Variants in SHISA9 observed in about 807,000 individuals in gnomAD.
SHISA9 encodes the protein shisa family member 9.
Under a neutral mutation model 38.0 loss-of-function variants are expected in SHISA9, and 13 were observed. The observed-to-expected ratio is 0.34, with a 90% CI of 0.22 to 0.54. SHISA9 has a LOEUF of 0.54. Ranked by LOEUF, SHISA9 falls within the 20% of genes least tolerant of loss-of-function variation. The probability of loss-of-function intolerance (pLI) is 0.91; values close to 1 mark genes in which losing one functional copy is unlikely to be tolerated. For missense variants in SHISA9, 538 were observed against 575.8 expected (o/e 0.93, Z 0.67); for synonymous variants, 275 against 242.0 (o/e 1.14, Z -1.27).
chr16:13,001,460 T>C (rs534997475), intron 2 of SHISA9, among the ~76,000 whole-genome samples: 1 of 152,288 alleles, frequency 6.6e-6, no homozygotes, highest in South Asian at 2.1e-4. Flanking sequence ...AGACCTTTGG[T>C]TCTGGATGTT....
chr16:13,298,996 A>C, the SHISA9 span, among the ~76,000 whole-genome samples: 4 of 152,160 alleles, frequency 2.6e-5, no homozygotes, highest in Non-Finnish European at 4.4e-5. Flanking sequence ...TTAAACAAGC[A>C]GTCTCCTTGG....
chr16:13,517,447 A>G, the SHISA9 span, among the ~76,000 whole-genome samples: 7 of 152,252 alleles, frequency 4.6e-5, no homozygotes, highest in Non-Finnish European at 7.3e-5. Context: ...GGTTTCAAAG[A>G]AAGTGCACCA....
intron 2 of SHISA9, among the ~76,000 whole-genome samples, chr16:13,008,560 A>T (rs2072626813): frequency 6.6e-6 from 1 of 150,890 alleles, no homozygotes; most frequent in Non-Finnish European, 1.5e-5. Context: ...GTGTGTTCTC[A>T]CGAGATCTGG....
chr16:13,531,263 C>T, the SHISA9 span, among the ~76,000 whole-genome samples: 2 of 152,164 alleles, frequency 1.3e-5, no homozygotes, highest in East Asian at 3.9e-4. Flanking sequence ...ACCTGGGACC[C>T]CAGTAAGGGC....
intron 2 of SHISA9, among the ~76,000 whole-genome samples, chr16:13,071,935 C>T (rs1031777063): frequency 3.3e-5 from 5 of 152,260 alleles, no homozygotes; most frequent in South Asian, 2.1e-4. Flanking sequence ...TGTGACCCAC[C>T]GTGGCTGGCC....
the SHISA9 span, among the ~76,000 whole-genome samples, chr16:13,479,889 T>A: frequency 6.6e-6 from 1 of 152,236 alleles, no homozygotes; most frequent in South Asian, 2.1e-4. Flanking sequence ...TTCCATTTCC[T>A]ATGTTCTTCT....
At chr16:13,040,587 A>C in intron 2 of SHISA9, among the ~76,000 whole-genome samples, 1 of 152,214 alleles carries the variant, frequency 6.6e-6, no homozygotes, top group East Asian at 1.9e-4. Context: ...TGACTTGCTT[A>C]TTAGAATGTA....
chr16:13,362,099 C>T, the SHISA9 span, among the ~76,000 whole-genome samples: 1 of 151,444 alleles, frequency 6.6e-6, no homozygotes, highest in Non-Finnish European at 1.5e-5. Flanking sequence ...TGCAGTGGCT[C>T]ATGCCTATAA....
chr16:13,306,907 T>C, the SHISA9 span, among the ~76,000 whole-genome samples: 149 of 152,362 alleles, frequency 9.8e-4, no homozygotes, highest in Non-Finnish European at 1.8e-3. Flanking sequence ...TGTATATGTA[T>C]GTGTGCTTAG....
At chr16:13,460,031 C>A in the SHISA9 span, among the ~76,000 whole-genome samples, 25 of 152,160 alleles carry the variant, frequency 1.6e-4, no homozygotes, top group African/African-American at 5.8e-4. Context: ...CCTGAGCCTC[C>A]CAAAGTGCTG....
At chr16:13,437,171 T>C in the SHISA9 span, among the ~76,000 whole-genome samples, 1 of 152,066 alleles carries the variant, frequency 6.6e-6, no homozygotes, top group Non-Finnish European at 1.5e-5. Flanking sequence ...ATTAGGGATC[T>C]TTGGTTCACA....
chr16:13,113,592 G>A (rs2074001107), intron 2 of SHISA9, among the ~76,000 whole-genome samples: 1 of 152,226 alleles, frequency 6.6e-6, no homozygotes, highest in South Asian at 2.1e-4. Flanking sequence ...TGTCTTGCCT[G>A]AGAGGCTCAT....
rs112510263 is a variant in SHISA9, at chr16:13,203,397, C to T, written c.695C>T (p.Ala232Val). 1.3e-6 allele frequency: 2 copies of T among 1,528,140 alleles called. No individual in the cohort carries two copies. The highest frequency in any genetic ancestry group is 4.9e-5 in the East Asian group (2 of 40,406). The allele number at this position is 1,528,140 out of a possible 1,614,324, so 94.7% of individuals were successfully genotyped here. Residue 232 changes from alanine to valine, a missense_variant, in exon 3 of 5, where the codon GCC becomes GTC. Coordinates refer to ENST00000558583, the MANE Select transcript of SHISA9 (RefSeq NM_001145204.3). Reference sequence around the variant, plus strand: ...CCTTCTGTGTCTTCACTTCCAGATGCCACCCAGATGAACAACGCAGTGCCC... The same window carrying T: ...CCTTCTGTGTCTTCACTTCCAGATGTCACCCAGATGAACAACGCAGTGCCC... ...DTRTPINNLH[A>V]TQMNNAVPTS...
the SHISA9 span, among the ~76,000 whole-genome samples, chr16:13,533,780 AATT>A: frequency 0.018 from 2,094 of 114,246 alleles, 33 homozygotes; most frequent in African/African-American, 0.067. Flanking sequence ...CATAACTCTC[AATT>A]TTTTTTTTTT....
chr16:13,035,461 C>T (rs2073044642), intron 2 of SHISA9, among the ~76,000 whole-genome samples: 1 of 152,082 alleles, frequency 6.6e-6, no homozygotes, highest in African/African-American at 2.4e-5. Context: ...CTCAATAATT[C>T]AGAGTAAAGG....
intron 2 of SHISA9, among the ~76,000 whole-genome samples, chr16:13,073,572 A>T (rs1052635637): frequency 2.0e-5 from 3 of 152,176 alleles, no homozygotes; most frequent in African/African-American, 7.2e-5. Flanking sequence ...GGGGCCCGGC[A>T]ATCTGCAGTG....
intron 2 of SHISA9, among the ~76,000 whole-genome samples, chr16:13,009,706 A>T (rs951150977): frequency 6.6e-6 from 1 of 152,202 alleles, no homozygotes; most frequent in East Asian, 1.9e-4. Flanking sequence ...CTCATATCCA[A>T]GGCTGCAAAC....
intron 1 of SHISA9, chr16:12,909,622 C>T (rs867186154): frequency 1.0e-6 from 1 of 985,064 alleles, no homozygotes; most frequent in Non-Finnish European, 1.2e-6. Context: ...CTGGTCCCTC[C>T]TCATCACCAG....
chr16:13,113,561 AC>A (rs1436706501), intron 2 of SHISA9, among the ~76,000 whole-genome samples: 1 of 152,202 alleles, frequency 6.6e-6, no homozygotes, highest in Admixed American at 6.5e-5. Context: ...ACAGAAATAG[AC>A]ATTGAAGTTC....
Sources: allele counts gnomAD v4.1 joint callset (sites outside exome capture counted in the v4.1 genomes callset), GRCh38; gene constraint gnomAD v4.1.1; transcripts MANE v1.5; gene names NCBI Gene and HGNC (gene_info 2026-07-23, HGNC 2026-07-21).